Variants in CTNNA2 observed in about 807,000 individuals in gnomAD.
CTNNA2 encodes catenin alpha-2.
Under a neutral mutation model 101.0 loss-of-function variants are expected in CTNNA2, and 42 were observed. The ratio of observed to expected loss-of-function variants is 0.42; its 90% CI spans 0.32 to 0.54. The LOEUF (loss-of-function observed/expected upper bound fraction) is 0.54, where lower values mean the gene tolerates loss of function less well. Among genes scored for constraint, CTNNA2 ranks in the 20% least tolerant of loss-of-function variants. CTNNA2 has a pLI of 0.14. For missense variants in CTNNA2, 871 were observed against 1,223.1 expected, an observed-to-expected ratio of 0.71 and a Z score of 4.29; for synonymous variants, 450 against 456.4, an observed-to-expected ratio of 0.99 and a Z score of 0.18.
At chr2:80,588,650 A>G (rs1225922491) in intron 14 of CTNNA2, among the ~76,000 whole-genome samples, 1 of 152,118 alleles carries the variant, frequency 6.6e-6, no homozygotes, top group Non-Finnish European at 1.5e-5. Flanking sequence ...CCTTTATCCC[A>G]TTATAACTTT....
intron 5 of CTNNA2, among the ~76,000 whole-genome samples, chr2:79,505,599 C>CTAAG (rs1671394892): frequency 6.6e-6 from 1 of 152,160 alleles, no homozygotes; most frequent in South Asian, 2.1e-4. Flanking sequence ...CGGCAATGAG[C>CTAAG]TAAGGCCTGA....
At chr2:79,447,988 G>C (rs1232369152) in intron 4 of CTNNA2, among the ~76,000 whole-genome samples, 23 of 151,994 alleles carry the variant, frequency 1.5e-4, no homozygotes. Context: ...GTAGGAATGG[G>C]GAAAGGAAGA....
intron 9 of CTNNA2, among the ~76,000 whole-genome samples, chr2:80,538,863 A>C (rs1691282399): frequency 6.6e-6 from 1 of 152,122 alleles, no homozygotes; most frequent in Non-Finnish European, 1.5e-5. Flanking sequence ...ACGAGCATGG[A>C]CTGTTTTTCC....
intron 3 of CTNNA2, among the ~76,000 whole-genome samples, chr2:79,316,515 G>A (rs530277371): frequency 1.3e-5 from 2 of 151,928 alleles, no homozygotes. Context: ...GAATAAATTG[G>A]CATCTTAAAA....
intron 3 of CTNNA2, among the ~76,000 whole-genome samples, chr2:79,760,692 C>T (rs1459066394): frequency 6.6e-6 from 1 of 152,226 alleles, no homozygotes; most frequent in Non-Finnish European, 1.5e-5. Flanking sequence ...AACTAACCAT[C>T]ACAATAGGTA....
At chr2:79,399,900 C>T (rs1678271387) in intron 4 of CTNNA2, among the ~76,000 whole-genome samples, 1 of 152,032 alleles carries the variant, frequency 6.6e-6, no homozygotes, top group South Asian at 2.1e-4. Context: ...CCCCAAATAT[C>T]TGAGACAGGT....
chr2:80,067,757 C>G (rs1698078683), intron 7 of CTNNA2, among the ~76,000 whole-genome samples: 1 of 152,156 alleles, frequency 6.6e-6, no homozygotes, highest in Non-Finnish European at 1.5e-5. Context: ...ATCCCTCACT[C>G]TGGGGACAGC....
intron 7 of CTNNA2, chr2:80,378,804 G>T (rs948547735): frequency 6.6e-6 from 1 of 152,220 alleles, no homozygotes; most frequent in African/African-American, 2.4e-5. Flanking sequence ...GAGGGATGCG[G>T]GGTGAGACCA....
intron 3 of CTNNA2, among the ~76,000 whole-genome samples, chr2:79,334,902 A>G (rs1676959969): frequency 2.0e-5 from 3 of 152,112 alleles, no homozygotes; most frequent in Admixed American, 2.0e-4. Flanking sequence ...ATAAAACTAA[A>G]AACACTCTCT....
intron 4 of CTNNA2, among the ~76,000 whole-genome samples, chr2:79,409,224 G>A (rs1401927517): frequency 2.2e-4 from 33 of 152,128 alleles, no homozygotes; most frequent in East Asian, 7.8e-4. Flanking sequence ...AGTAGATTGC[G>A]AAAATTTTCT....
chr2:80,643,803 C>T (rs184812689), intron 18 of CTNNA2, among the ~76,000 whole-genome samples: 1 of 152,128 alleles, frequency 6.6e-6, no homozygotes, highest in East Asian at 1.9e-4. Context: ...TATTTATTTC[C>T]ATAAGGGTGA....
intron 4 of CTNNA2, among the ~76,000 whole-genome samples, chr2:79,502,363 G>T (rs1671329882): frequency 6.6e-6 from 1 of 152,174 alleles, no homozygotes; most frequent in Non-Finnish European, 1.5e-5. Context: ...ATAATGTTGA[G>T]AATGTACAAC....
intron 2 of CTNNA2, among the ~76,000 whole-genome samples, chr2:79,657,679 A>G (rs1486445795): frequency 1.3e-5 from 2 of 151,872 alleles, no homozygotes; most frequent in Non-Finnish European, 3.0e-5. Context: ...AATGCAAAAA[A>G]GAAACCTACC....
chr2:80,107,335 T>C (rs1700948951), intron 7 of CTNNA2, among the ~76,000 whole-genome samples: 1 of 152,174 alleles, frequency 6.6e-6, no homozygotes, highest in Non-Finnish European at 1.5e-5. Flanking sequence ...AGAAACAGCT[T>C]GACTCGAGAG....
chr2:80,585,395 C>G (rs1356804883), intron 14 of CTNNA2, among the ~76,000 whole-genome samples: 3 of 152,112 alleles, frequency 2.0e-5, no homozygotes, highest in Non-Finnish European at 2.9e-5. Flanking sequence ...GGATTAATAT[C>G]TCTGATACCA....
At chr2:80,646,677 C>T (rs2149871687) in intron 18 of CTNNA2, among the ~76,000 whole-genome samples, 1 of 151,992 alleles carries the variant, frequency 6.6e-6, no homozygotes, top group East Asian at 1.9e-4. Flanking sequence ...ACACTAACTA[C>T]TTAAAGACAG....
At chr2:80,338,155 AT>A (rs1346960269) in intron 7 of CTNNA2, among the ~76,000 whole-genome samples, 1 of 151,854 alleles carries the variant, frequency 6.6e-6, no homozygotes, top group Non-Finnish European at 1.5e-5. Flanking sequence ...CGCCCGGCTA[AT>A]TTTTATATTT....
chr2:79,737,882 C>G (rs1387152811), intron 2 of CTNNA2, among the ~76,000 whole-genome samples: 4 of 152,144 alleles, frequency 2.6e-5, no homozygotes, highest in African/African-American at 9.7e-5. Context: ...GACAAAGTGC[C>G]TTGATGCCCT....
At chr2:79,434,869 G>A (rs1678697023) in intron 4 of CTNNA2, among the ~76,000 whole-genome samples, 1 of 152,154 alleles carries the variant, frequency 6.6e-6, no homozygotes, top group African/African-American at 2.4e-5. Flanking sequence ...GACCAACATG[G>A]AGCAGGTATC....
Sources: allele counts gnomAD v4.1 joint callset (sites outside exome capture counted in the v4.1 genomes callset), GRCh38; gene constraint gnomAD v4.1.1; transcripts MANE v1.5; gene names NCBI Gene and HGNC (gene_info 2026-07-23, HGNC 2026-07-21).